Variants in RAB11FIP2 observed in about 807,000 individuals in gnomAD.
RAB11FIP2 encodes the protein RAB11 family interacting protein 2, also known as rab11 family-interacting protein 2.
A neutral mutation model predicts 40.9 loss-of-function variants in RAB11FIP2; 16 were observed. The observed-to-expected ratio is 0.39, with a 90% confidence interval of 0.26 to 0.59. The LOEUF (loss-of-function observed/expected upper bound fraction) is 0.59. Ranked by LOEUF, RAB11FIP2 falls within the 20% of genes least tolerant of loss-of-function variation. The probability of loss-of-function intolerance (pLI) is 0.53; values close to 1 mark genes in which losing one functional copy is unlikely to be tolerated. For synonymous variants in RAB11FIP2, 228 were observed against 213.7 expected, an observed-to-expected ratio of 1.07 and a Z score of -0.58; for missense variants, 532 against 606.2, an observed-to-expected ratio of 0.88 and a Z score of 1.28.
chr10:118,009,078 T>G lies in RAB11FIP2; in HGVS notation c.1459A>C (p.Arg487=). 2 of 1,613,608 alleles carry G rather than the reference T, an allele frequency of 1.2e-6. No individual in the cohort carries two copies. Among genetic ancestry groups the G allele is most frequent in the Non-Finnish European group, 8.5e-7 (1 of 1,179,618 alleles). The change falls in exon 5 of 5, where the codon AGG becomes CGG. Residue 487 remains arginine, a synonymous_variant. Coordinates refer to ENST00000355624, the MANE Select transcript of RAB11FIP2 (RefSeq NM_014904.3). ...ATACTGGGCGTTTCTTCCATTACCC[T>G]TACAAGGAGGTTGTCGATGTAGTCC... ...LEDYIDNLLV[R]VMEETPSILR...
chr10:118,041,941 T>C (rs940878426), intron 1 of RAB11FIP2, among the ~76,000 whole-genome samples: 3 of 151,962 alleles, frequency 2.0e-5, no homozygotes, highest in Non-Finnish European at 4.4e-5. Context: ...ATAAGGCAAA[T>C]GGTAAAATCT....
intron 3 of RAB11FIP2, among the ~76,000 whole-genome samples, chr10:118,028,238 C>G (rs1452677159): frequency 6.6e-6 from 1 of 151,640 alleles, no homozygotes; most frequent in Non-Finnish European, 1.5e-5. Flanking sequence ...TACTTTTATC[C>G]AAGATTTCTA....
intron 1 of RAB11FIP2, 197 bp downstream of exon 1, chr10:118,045,614 C>G (rs1408055086): frequency 3.7e-6 from 2 of 546,850 alleles, no homozygotes; most frequent in Non-Finnish European, 6.4e-6. Flanking sequence ...AATAAGGGAT[C>G]ATTAATGATT....
chr10:118,028,939 T>C (rs1391309557), intron 3 of RAB11FIP2, among the ~76,000 whole-genome samples: 1 of 152,024 alleles, frequency 6.6e-6, no homozygotes, highest in Non-Finnish European at 1.5e-5. Context: ...GCTATTGTTT[T>C]CATGCTAACT....
intron 3 of RAB11FIP2, among the ~76,000 whole-genome samples, chr10:118,037,452 T>C (rs1846495466): frequency 1.3e-5 from 2 of 152,108 alleles, no homozygotes; most frequent in Non-Finnish European, 1.5e-5. Flanking sequence ...AAGTGATTGA[T>C]TGTTAATACT....
At chr10:118,042,068 T>C (rs1846567102) in intron 1 of RAB11FIP2, among the ~76,000 whole-genome samples, 1 of 152,120 alleles carries the variant, frequency 6.6e-6, no homozygotes, top group Non-Finnish European at 1.5e-5. Context: ...ATATACCCAG[T>C]TAACTCAAAG....
Position 118,039,079 on chromosome 10 carries a change from C to T in RAB11FIP2, c.1158G>A (p.Leu386=), listed in dbSNP as rs532217976. 7.0e-5 allele frequency: 113 copies of T among 1,613,438 alleles called. No individual in the cohort carries two copies. The South Asian group carries it at 1.2e-3, about 18-fold the overall frequency. The change falls in exon 3 of 5, where the codon TTG becomes TTA. Residue 386 remains leucine (L), a synonymous_variant. Coordinates refer to ENST00000355624, the MANE Select transcript of RAB11FIP2 (RefSeq NM_014904.3). ...NNGGSDSPCD[L]KSPNAFSENR... ...TTTCACTAAATGCATTAGGTGATTT[C>T]AAGTCACAAGGGCTATCAGATCCCC... is the stretch of plus-strand genomic sequence containing the variant.
intron 3 of RAB11FIP2, among the ~76,000 whole-genome samples, chr10:118,020,978 A>G (rs1846277587): frequency 1.3e-5 from 2 of 152,272 alleles, no homozygotes; most frequent in Admixed American, 1.3e-4. Context: ...CGTATGCTCC[A>G]TAACTACTTA....
At chr10:118,013,299 T>C (rs946046552) in intron 4 of RAB11FIP2, among the ~76,000 whole-genome samples, 11 of 152,134 alleles carry the variant, frequency 7.2e-5, no homozygotes, top group African/African-American at 2.6e-4. Flanking sequence ...GGGAATATCA[T>C]CTCAGCTACT....
At position 118,010,859 on chromosome 10, in the gene RAB11FIP2, A is replaced by G. The variant is rs137965531; in HGVS notation, c.1312-1634T>C. 9.4e-3 allele frequency among the ~76,000 whole-genome samples: 1,428 copies of G among 152,204 alleles called. 9 individuals are homozygous for G. Among genetic ancestry groups the G allele is most frequent in the Middle Eastern group, 0.017 (5 of 292 alleles). ...GGCATAGTGGCCAACAGGTAATCCAATAACAGGTACTCTGTAGAGCATGGC... is the reference window on the plus strand; with the variant it reads ...GGCATAGTGGCCAACAGGTAATCCAGTAACAGGTACTCTGTAGAGCATGGC... On this transcript the variant is annotated intron_variant, in intron 4 of 4. Transcript: ENST00000355624.
chr10:118,009,540 CTAAAA>C (rs1846132506), intron 4 of RAB11FIP2, among the ~76,000 whole-genome samples: 1 of 152,018 alleles, frequency 6.6e-6, no homozygotes, highest in Admixed American at 6.6e-5. Flanking sequence ...ATAAATACAA[CTAAAA>C]TAGATGAAAA....
intron 3 of RAB11FIP2, among the ~76,000 whole-genome samples, chr10:118,032,881 T>C (rs1479671073): frequency 2.6e-5 from 4 of 152,080 alleles, no homozygotes; most frequent in African/African-American, 9.7e-5. Context: ...TTAGTAGCCA[T>C]CTCGGCTATC....
Position 118,039,027 on chromosome 10 carries a change from A to G in RAB11FIP2, c.1210T>C (p.Ser404Pro), listed in dbSNP as rs1203989285. 1 of 1,611,048 alleles carries G rather than the reference A, an allele frequency of 6.2e-7. No individual in the cohort carries two copies. The highest frequency in any genetic ancestry group is 2.2e-5 in the East Asian group (1 of 44,834). ...AATTTTGCTGTAAATGGATTGGTTG[A>G]CTCATAATCAAAATAGTCCTGGCGA... ...ENRQDYFDYE[S>P]TNPFTAKFRA... Residue 404 changes from serine to proline, a missense_variant, in exon 3 of 5, where the codon TCA becomes CCA. Transcript: ENST00000355624.
rs971875134 is a variant in RAB11FIP2 at position 118,007,209 on chromosome 10, C to T, written c.*1789G>A. 6.7e-6 allele frequency: 1 copy of T among 149,362 alleles called. No individual in the cohort carries two copies. Among genetic ancestry groups the T allele is most frequent in the Non-Finnish European group, 1.5e-5 (1 of 67,338 alleles). 9.3% of individuals were successfully genotyped at this position (149,362 alleles called of 1,614,324 possible). ...TACCAAGACCTCAAACGGGAAAATA[C>T]CATTCTACACCAGACTTTGAGGTTT... On this transcript the variant is annotated 3_prime_UTR_variant, in exon 5 of 5. Coordinates refer to ENST00000355624, the MANE Select transcript of RAB11FIP2 (RefSeq NM_014904.3).
chr10:118,031,655 T>A (rs906486049), intron 3 of RAB11FIP2, among the ~76,000 whole-genome samples: 5 of 152,272 alleles, frequency 3.3e-5, no homozygotes, highest in Admixed American at 2.6e-4. Flanking sequence ...TCTTAGATAC[T>A]ATTTCTGTAC....
intron 3 of RAB11FIP2, chr10:118,033,953 A>G: frequency 1.4e-6 from 1 of 701,566 alleles, no homozygotes; most frequent in Non-Finnish European, 2.6e-6. Context: ...TTCCACTTGC[A>G]TGCAGAGACC....
chr10:118,037,938 T>C (rs901300504), intron 3 of RAB11FIP2, among the ~76,000 whole-genome samples: 1 of 152,126 alleles, frequency 6.6e-6, no homozygotes, highest in Non-Finnish European at 1.5e-5. Context: ...AGATTACTTA[T>C]AATACCTAAT....
intron 3 of RAB11FIP2, among the ~76,000 whole-genome samples, chr10:118,028,672 T>C (rs1016112): frequency 0.46 from 69,906 of 151,996 alleles, 18,778 homozygotes; most frequent in Non-Finnish European, 0.6. Flanking sequence ...CCTGGAAAAG[T>C]AGTGTCCACA....
intron 1 of RAB11FIP2, among the ~76,000 whole-genome samples, chr10:118,044,107 T>C (rs1846596082): frequency 6.6e-6 from 1 of 152,222 alleles, no homozygotes; most frequent in South Asian, 2.1e-4. Context: ...GAGACCATAA[T>C]ATTAGAGTAT....
Sources: gnomAD v4.1 joint callset for allele counts (sites outside exome capture counted in the v4.1 genomes callset) on GRCh38, gnomAD v4.1.1 for gene constraint, MANE v1.5 for transcripts, NCBI Gene and HGNC (gene_info 2026-07-23, HGNC 2026-07-21) for gene names.